Variants in NPFFR2 observed in about 807,000 individuals in gnomAD.
NPFFR2 encodes neuropeptide FF receptor 2, also known as G-protein coupled receptor 74.
Under a neutral mutation model 13.1 loss-of-function variants are expected in NPFFR2, and 15 were observed. That is an observed-to-expected ratio of 1.15 (90% CI 0.77 to 1.76). The LOEUF is 1.76. Among genes scored for constraint, NPFFR2 ranks in the 40% most tolerant of loss-of-function variants. The probability of loss-of-function intolerance (pLI) is 0.00; values close to 1 mark genes in which losing one functional copy is unlikely to be tolerated. For synonymous variants in NPFFR2, 190 were observed against 175.7 expected (o/e 1.08, Z -0.65); for missense variants, 572 against 503.5 (o/e 1.14, Z -1.30).
At chr4:72,055,827 C>T (rs954090376) in intron 1 of NPFFR2, among the ~76,000 whole-genome samples, 1 of 151,106 alleles carries the variant, frequency 6.6e-6, no homozygotes, top group East Asian at 1.9e-4. Flanking sequence ...GAAAATCTAA[C>T]AAGCCACAAC....
intron 1 of NPFFR2, among the ~76,000 whole-genome samples, chr4:72,083,545 G>T (rs1001667031): frequency 1.3e-5 from 2 of 152,178 alleles, no homozygotes; most frequent in Admixed American, 1.3e-4. Flanking sequence ...GGAACACCAT[G>T]TTCTCCTGGT....
chr4:72,144,423 G>A (rs1013944274), intron 3 of NPFFR2, among the ~76,000 whole-genome samples: 3 of 152,152 alleles, frequency 2.0e-5, no homozygotes, highest in African/African-American at 7.2e-5. Context: ...GAATTTGGAA[G>A]CAATGTCAAA....
At chr4:72,075,247 C>T (rs4521315) in intron 1 of NPFFR2, among the ~76,000 whole-genome samples, 136,841 of 152,094 alleles carry the variant, frequency 0.9, 62,508 homozygotes, top group Non-Finnish European at 0.98. Flanking sequence ...CATTGAACAA[C>T]GGACTCCAAG....
intron 1 of NPFFR2, among the ~76,000 whole-genome samples, chr4:72,046,498 C>T (rs966710258): frequency 6.6e-6 from 1 of 152,150 alleles, no homozygotes; most frequent in Non-Finnish European, 1.5e-5. Context: ...TCCTCTTGGA[C>T]TTCCCATTAT....
At chr4:72,125,382 A>G (rs1251299214) in intron 1 of NPFFR2, among the ~76,000 whole-genome samples, 1 of 151,966 alleles carries the variant, frequency 6.6e-6, no homozygotes, top group Non-Finnish European at 1.5e-5. Context: ...CCTCTCAACT[A>G]TGTATATAGA....
chr4:72,081,271 C>T (rs1422375490), intron 1 of NPFFR2, among the ~76,000 whole-genome samples: 1 of 152,138 alleles, frequency 6.6e-6, no homozygotes, highest in East Asian at 1.9e-4. Context: ...TTCTGCTATA[C>T]AACAGAATTG....
chr4:72,060,952 A>AT (rs1719902939), intron 1 of NPFFR2, among the ~76,000 whole-genome samples: 1 of 152,180 alleles, frequency 6.6e-6, no homozygotes, highest in Admixed American at 6.6e-5. Flanking sequence ...TATGTACCTT[A>AT]TACAATATCA....
At chr4:72,035,876 C>T (rs1185505282) in intron 1 of NPFFR2, among the ~76,000 whole-genome samples, 3 of 151,958 alleles carry the variant, frequency 2.0e-5, no homozygotes, top group Non-Finnish European at 2.9e-5. Context: ...GTCTGGGTTC[C>T]ATGTGGCAGT....
At chr4:72,066,813 A>G (rs2109779722) in intron 1 of NPFFR2, among the ~76,000 whole-genome samples, 1 of 152,202 alleles carries the variant, frequency 6.6e-6, no homozygotes, top group Non-Finnish European at 1.5e-5. Context: ...GGGGACTACA[A>G]CCCCATGGCT....
At chr4:72,039,235 A>G in intron 1 of NPFFR2, 1 of 165,828 alleles carries the variant, frequency 6.0e-6, no homozygotes, top group Non-Finnish European at 1.2e-5. Context: ...ATTTTTTTGT[A>G]TTTTTAGTAG....
chr4:72,147,742 G>A lies in NPFFR2; in HGVS notation c.1193G>A (p.Ser398Asn). The change falls in exon 4 of 4, where the codon AGT (serine) becomes AAT (asparagine). Residue 398 changes from serine to asparagine, a missense_variant. Coordinates refer to ENST00000308744, the MANE Select transcript of NPFFR2 (RefSeq NM_004885.3). The part of the protein sequence containing the change: ...PHGETLLYRK[S>N]AEKPQQELVM... ...GGGGAAACCTTGCTTTATAGGAAAA[G>A]TGCTGAAAAACCCCAACAGGAATTA... is the stretch of plus-strand genomic sequence containing the variant. 2.5e-6 allele frequency: 4 copies of A among 1,601,834 alleles called. No homozygotes were observed. The highest frequency in any genetic ancestry group is 4.5e-5 in the East Asian group (2 of 44,850).
intron 1 of NPFFR2, among the ~76,000 whole-genome samples, chr4:72,069,615 A>G (rs181812939): frequency 1.3e-5 from 2 of 152,262 alleles, no homozygotes; most frequent in African/African-American, 2.4e-5. Context: ...AGACAAGACA[A>G]TAAACAACAC....
intron 1 of NPFFR2, among the ~76,000 whole-genome samples, chr4:72,041,651 TCAG>T (rs1178073665): frequency 2.0e-5 from 3 of 152,176 alleles, no homozygotes; most frequent in Non-Finnish European, 4.4e-5. Context: ...CACAACCTCG[TCAG>T]CATCTGTTCT....
At chr4:72,083,272 T>G (rs1280509132) in intron 1 of NPFFR2, among the ~76,000 whole-genome samples, 1 of 152,182 alleles carries the variant, frequency 6.6e-6, no homozygotes, top group African/African-American at 2.4e-5. Context: ...TCCATACTGT[T>G]TTCTATAATG....
intron 1 of NPFFR2, among the ~76,000 whole-genome samples, chr4:72,078,504 A>G (rs1460469065): frequency 2.0e-5 from 3 of 152,304 alleles, no homozygotes; most frequent in African/African-American, 7.2e-5. Context: ...TCTGTAGAAT[A>G]TTGTAATTTC....
rs760576744 is a variant in NPFFR2 at position 72,147,198 on chromosome 4, A to G, written c.649A>G (p.Lys217Glu). 3.9e-6 allele frequency: 6 copies of G among 1,553,136 alleles called. No individual in the cohort carries two copies. The highest frequency in any genetic ancestry group is 5.2e-6 in the Non-Finnish European group (6 of 1,151,152). ...REDWPNQEMRKIYTTVLFANI... is the reference protein window; with the variant it reads ...REDWPNQEMREIYTTVLFANI... ...AGACTGGCCAAATCAGGAAATGAGG[A>G]AGATCTACACCACTGTGCTGTTTGC... Residue 217 changes from lysine (K) to glutamate (E), a missense_variant, in exon 4 of 4, where the codon AAG (lysine) becomes GAG (glutamate). Physicochemically the swap from Lys to Glu is moderately conservative, Grantham distance 56. Coordinates refer to ENST00000308744, the MANE Select transcript of NPFFR2 (RefSeq NM_004885.3).
At chr4:72,058,087 T>C (rs1719805536) in intron 1 of NPFFR2, among the ~76,000 whole-genome samples, 1 of 151,890 alleles carries the variant, frequency 6.6e-6, no homozygotes, top group South Asian at 2.1e-4. Context: ...CAGGAGGTAA[T>C]AATATTTGAG....
At chr4:72,112,514 G>T (rs373884547) in intron 1 of NPFFR2, among the ~76,000 whole-genome samples, 377 of 151,834 alleles carry the variant, frequency 2.5e-3, no homozygotes, top group African/African-American at 8.4e-3. Flanking sequence ...ATATTCCCTT[G>T]GTTTCCCATT....
chr4:72,087,937 C>T (rs1453307657), intron 1 of NPFFR2, among the ~76,000 whole-genome samples: 1 of 151,916 alleles, frequency 6.6e-6, no homozygotes. Flanking sequence ...GGCATCATCC[C>T]CCCAAAAATA....
Sources: allele counts gnomAD v4.1 joint callset (sites outside exome capture counted in the v4.1 genomes callset), GRCh38; gene constraint gnomAD v4.1.1; transcripts MANE v1.5; gene names NCBI Gene and HGNC (gene_info 2026-07-23, HGNC 2026-07-21).